Variants in IMMP2L observed in about 807,000 individuals in gnomAD.
IMMP2L encodes mitochondrial inner membrane protease subunit 2.
In IMMP2L, 18 loss-of-function variants were observed where a neutral mutation model predicts 19.3. The ratio of observed to expected loss-of-function variants is 0.93; its 90% confidence interval spans 0.64 to 1.38. IMMP2L has a LOEUF of 1.38. Ranked by LOEUF, IMMP2L falls within the 40% of genes most tolerant of loss-of-function variation. The pLI is 0.00. For missense variants in IMMP2L, 233 were observed against 218.2 expected (o/e 1.07, Z -0.43); for synonymous variants, 76 against 73.0 (o/e 1.04, Z -0.21).
intron 3 of IMMP2L, among the ~76,000 whole-genome samples, chr7:111,423,762 A>C (rs187022607): frequency 1.1e-4 from 16 of 151,978 alleles, no homozygotes; most frequent in Admixed American, 9.8e-4. Flanking sequence ...GAGAAGCAAA[A>C]GCAAACAAAT....
chr7:110,669,295 G>A (rs1791725544), intron 5 of IMMP2L, among the ~76,000 whole-genome samples: 1 of 152,094 alleles, frequency 6.6e-6, no homozygotes, highest in Non-Finnish European at 1.5e-5. Flanking sequence ...AATGTTGCAG[G>A]TGAGGTCTGA....
At chr7:110,813,534 C>T (rs554121101) in intron 5 of IMMP2L, among the ~76,000 whole-genome samples, 1 of 151,688 alleles carries the variant, frequency 6.6e-6, no homozygotes, top group Admixed American at 6.6e-5. Context: ...CTCAAAACAT[C>T]CTCCCACTTC....
chr7:111,456,596 T>C (rs546242111), intron 3 of IMMP2L, among the ~76,000 whole-genome samples: 1 of 152,194 alleles, frequency 6.6e-6, no homozygotes, highest in Non-Finnish European at 1.5e-5. Flanking sequence ...ACGATATCAA[T>C]CAGACTTCCT....
chr7:111,212,945 A>G lies in IMMP2L; in HGVS notation c.240-249380T>C, dbSNP rs576608781. ...ATCCTCATGACGGCAGCCCATCTAG[A>G]GCAGAGGCTGCCATGACACCAGCTT... On this transcript the variant is annotated intron_variant, in intron 3 of 5. Transcript: ENST00000405709. 1.3e-3 allele frequency among the ~76,000 whole-genome samples: 194 copies of G among 152,238 alleles called. 1 individual carries two copies. Among genetic ancestry groups the G allele is most frequent in the Admixed American group, 4.0e-3 (61 of 15,300 alleles).
intron 4 of IMMP2L, among the ~76,000 whole-genome samples, chr7:110,918,784 C>A (rs1454568271): frequency 6.6e-6 from 1 of 152,052 alleles, no homozygotes; most frequent in African/African-American, 2.4e-5. Context: ...TTATATTACT[C>A]TTCCTTACAT....
intron 4 of IMMP2L, among the ~76,000 whole-genome samples, chr7:110,949,230 T>G (rs923082068): frequency 7.9e-5 from 12 of 152,174 alleles, no homozygotes; most frequent in African/African-American, 2.4e-4. Flanking sequence ...ATTGGTTTTG[T>G]CTCTCTGAAG....
intron 3 of IMMP2L, among the ~76,000 whole-genome samples, chr7:111,357,308 A>T (rs923277296): frequency 6.6e-6 from 1 of 152,004 alleles, no homozygotes; most frequent in African/African-American, 2.4e-5. Context: ...TAAACAATGA[A>T]TTTTTTTTCC....
chr7:111,375,011 A>G (rs1830559000), intron 3 of IMMP2L, among the ~76,000 whole-genome samples: 1 of 152,056 alleles, frequency 6.6e-6, no homozygotes, highest in South Asian at 2.1e-4. Flanking sequence ...TTCCTACCAC[A>G]GTTTTAGCTC....
chr7:110,792,719 C>T (rs1235630759), intron 5 of IMMP2L, among the ~76,000 whole-genome samples: 2 of 152,060 alleles, frequency 1.3e-5, no homozygotes, highest in Non-Finnish European at 2.9e-5. Context: ...AAAAAGGTCA[C>T]TCTTAATGTT....
At chr7:111,358,579 T>G (rs76124260) in intron 3 of IMMP2L, among the ~76,000 whole-genome samples, 1,617 of 152,166 alleles carry the variant, frequency 0.011, 30 homozygotes, top group African/African-American at 0.036. Flanking sequence ...TAATCAAGAT[T>G]GACATATTTC....
Position 111,123,069 on chromosome 7 carries a change from A to T in IMMP2L, c.240-159504T>A. On this transcript the variant is annotated intron_variant, in intron 3 of 5. Transcript: ENST00000405709. This position sits in a 1 kb window ranked among gnomAD's most constrained non-coding sequence, Gnocchi z 6.4. ...CAGTAAACCTTACTGGCCTGGATTT[A>T]TCTCAAAACAATTTATCTTCAGTCA... is the stretch of plus-strand genomic sequence containing the variant. 3.1e-6 allele frequency: 5 copies of T among 1,613,886 alleles called. No homozygotes were observed. The highest frequency in any genetic ancestry group is 4.2e-6 in the Non-Finnish European group (5 of 1,179,956).
At chr7:111,398,197 T>C (rs957814049) in intron 3 of IMMP2L, among the ~76,000 whole-genome samples, 2 of 151,958 alleles carry the variant, frequency 1.3e-5, no homozygotes, top group Non-Finnish European at 2.9e-5. Flanking sequence ...CTGACTGATA[T>C]CCTTGATCAA....
intron 3 of IMMP2L, among the ~76,000 whole-genome samples, chr7:111,412,852 G>A (rs898230112): frequency 1.5e-4 from 22 of 151,376 alleles, no homozygotes; most frequent in South Asian, 1.2e-3. Flanking sequence ...AAACTTCTAC[G>A]TTAACAAGGT....
chr7:110,698,424 C>G (rs555936056), intron 5 of IMMP2L, among the ~76,000 whole-genome samples: 95 of 152,150 alleles, frequency 6.2e-4, no homozygotes, highest in Non-Finnish European at 1.3e-3. Context: ...ATATATGAGC[C>G]TTATTATTTC....
At chr7:111,374,283 G>C (rs889853990) in intron 3 of IMMP2L, among the ~76,000 whole-genome samples, 1 of 152,022 alleles carries the variant, frequency 6.6e-6, no homozygotes, top group Non-Finnish European at 1.5e-5. Flanking sequence ...TCACCACTGA[G>C]CCTTTTATCT....
intron 3 of IMMP2L, among the ~76,000 whole-genome samples, chr7:111,316,012 CT>C (rs2130385311): frequency 6.6e-6 from 1 of 152,254 alleles, no homozygotes; most frequent in Admixed American, 6.5e-5. Context: ...CCGACTACCC[CT>C]AGCTTATGGC....
chr7:111,404,491 G>A (rs1336572978), intron 3 of IMMP2L, among the ~76,000 whole-genome samples: 4 of 152,040 alleles, frequency 2.6e-5, no homozygotes, highest in Non-Finnish European at 5.9e-5. Flanking sequence ...CAACTCTCAA[G>A]ACTTTTAAAT....
chr7:110,665,734 T>G (rs758973657), intron 5 of IMMP2L, among the ~76,000 whole-genome samples: 27 of 152,300 alleles, frequency 1.8e-4, no homozygotes, highest in Admixed American at 3.3e-4. Flanking sequence ...ATTGTTGTGA[T>G]GCCAAGTTTG....
chr7:111,489,402 A>C (rs1041148241), intron 2 of IMMP2L, among the ~76,000 whole-genome samples: 12 of 152,004 alleles, frequency 7.9e-5, no homozygotes, highest in African/African-American at 2.7e-4. Flanking sequence ...ACTCTCCAAT[A>C]ATGCTACCAT....
Sources: gnomAD v4.1 joint callset for allele counts (sites outside exome capture counted in the v4.1 genomes callset) on GRCh38, gnomAD v4.1.1 for gene constraint, Gnocchi (gnomAD v3.1) non-coding constraint, MANE v1.5 for transcripts, NCBI Gene and HGNC (gene_info 2026-07-23, HGNC 2026-07-21) for gene names.